Variants in INPP5A observed in about 807,000 individuals in gnomAD.
INPP5A encodes inositol polyphosphate-5-phosphatase A, also known as 43 kDa inositol polyphosphate 5-phophatase.
In INPP5A, 14 loss-of-function variants were observed where a neutral mutation model predicts 65.2. That is an observed-to-expected ratio of 0.21 (90% CI 0.14 to 0.34). The LOEUF is 0.34. INPP5A is among the 10% of genes least tolerant of loss of function. INPP5A has a pLI of 1.00. For missense variants in INPP5A, 431 were observed against 545.6 expected (o/e 0.79, Z 2.09); for synonymous variants, 207 against 208.3 (o/e 0.99, Z 0.05).
rs993228637 is a variant in INPP5A at position 132,741,391 on chromosome 10, A to G, written c.733-8126A>G. On this transcript the variant is annotated intron_variant, in intron 9 of 15. Coordinates refer to ENST00000368594, the MANE Select transcript of INPP5A (RefSeq NM_005539.5). The surrounding 1 kb of genome is among the most constrained non-coding windows in gnomAD (Gnocchi z 4.4). The stretch of plus-strand genomic sequence containing the variant: ...GTCTCAGTCTGGTTCCTGCTGGACA[A>G]ACACTGCAGGTTCACACCACGGGAA... 6.6e-6 allele frequency among the ~76,000 whole-genome samples: 1 copy of G among 152,204 alleles called. No individual in the cohort carries two copies. Among genetic ancestry groups the G allele is most frequent in the Non-Finnish European group, 1.5e-5 (1 of 68,028 alleles).
intron 1 of INPP5A, among the ~76,000 whole-genome samples, chr10:132,578,549 GCGGGGAC>G (rs2071437982): frequency 6.8e-6 from 1 of 146,958 alleles, no homozygotes; most frequent in African/African-American, 2.5e-5. Flanking sequence ...AGGAGAGTGT[GCGGGGAC>G]TGGAGGGGCT....
At chr10:132,756,134 C>T (rs572378365) in intron 11 of INPP5A, among the ~76,000 whole-genome samples, 3 of 152,216 alleles carry the variant, frequency 2.0e-5, no homozygotes, top group African/African-American at 7.2e-5. Flanking sequence ...AATTCCTCGG[C>T]CCGGTCAGGA....
At chr10:132,643,552 A>G (rs1207133425) in intron 2 of INPP5A, among the ~76,000 whole-genome samples, 4 of 152,204 alleles carry the variant, frequency 2.6e-5, no homozygotes. Context: ...AGTGTAATAA[A>G]TATGTTGTCT....
intron 4 of INPP5A, among the ~76,000 whole-genome samples, chr10:132,684,484 A>ATG (rs950287345): frequency 1.1e-4 from 16 of 152,086 alleles, no homozygotes; most frequent in Non-Finnish European, 1.9e-4. Flanking sequence ...ATGTGTACAT[A>ATG]TGTGTGTGTG....
chr10:132,548,627 C>T (rs1218428166), intron 1 of INPP5A, among the ~76,000 whole-genome samples: 2 of 152,196 alleles, frequency 1.3e-5, no homozygotes, highest in Non-Finnish European at 2.9e-5. Flanking sequence ...GCTCCCGGCC[C>T]TGGGCCACAA....
chr10:132,715,832 C>G (rs1845729757), intron 8 of INPP5A, among the ~76,000 whole-genome samples: 1 of 152,336 alleles, frequency 6.6e-6, no homozygotes, highest in African/African-American at 2.4e-5. Flanking sequence ...CAGGCTTTCT[C>G]AGACTCGGAG....
intron 12 of INPP5A, among the ~76,000 whole-genome samples, chr10:132,773,951 G>A (rs1466595851): frequency 3.3e-5 from 5 of 152,162 alleles, no homozygotes; most frequent in Admixed American, 2.6e-4. Context: ...TATAGAGACA[G>A]GGGTCTTACT....
At chr10:132,661,772 G>T (rs1363066650) in intron 4 of INPP5A, among the ~76,000 whole-genome samples, 1 of 152,004 alleles carries the variant, frequency 6.6e-6, no homozygotes, top group Non-Finnish European at 1.5e-5. Flanking sequence ...TATACTACCT[G>T]ATTAAGACTT....
At chr10:132,695,389 T>C (rs1845329973) in intron 5 of INPP5A, among the ~76,000 whole-genome samples, 1 of 152,144 alleles carries the variant, frequency 6.6e-6, no homozygotes, top group Non-Finnish European at 1.5e-5. Flanking sequence ...CTACAATGAA[T>C]ACCACACTTA....
At chr10:132,712,326 TG>T (rs1382104313) in intron 8 of INPP5A, among the ~76,000 whole-genome samples, 1 of 151,744 alleles carries the variant, frequency 6.6e-6, no homozygotes, top group Non-Finnish European at 1.5e-5. Context: ...GGGGTTTGTG[TG>T]GGGGTGGGTG....
chr10:132,691,509 A>G (rs1221522542), intron 5 of INPP5A, among the ~76,000 whole-genome samples: 1 of 152,272 alleles, frequency 6.6e-6, no homozygotes. Flanking sequence ...CTGGTGCGTC[A>G]GGCTGCGCCG....
chr10:132,721,937 A>C (rs2134568777), intron 8 of INPP5A, among the ~76,000 whole-genome samples: 1 of 152,318 alleles, frequency 6.6e-6, no homozygotes, highest in East Asian at 1.9e-4. Flanking sequence ...AAGTCATGAA[A>C]AATAGTCCAG....
At position 132,644,257 on chromosome 10, in the gene INPP5A, T is replaced by G. The variant is rs778412364; in HGVS notation, c.118-1611T>G. Reference sequence around the variant, plus strand: ...AGGAGGGAGGGGCCCACTCGGTGCATCCACGCAGAGGCGGCTGCGAACTCA... The same window carrying G: ...AGGAGGGAGGGGCCCACTCGGTGCAGCCACGCAGAGGCGGCTGCGAACTCA... On this transcript the variant is annotated intron_variant, in intron 2 of 15. Transcript: ENST00000368594. The surrounding 1 kb of genome is among the most constrained non-coding windows in gnomAD (Gnocchi z 6.5). Among the ~76,000 whole-genome samples the G allele has an allele frequency of 3.3e-4, 50 of 152,166 alleles. No individual in the cohort carries two copies. Among genetic ancestry groups the G allele is most frequent in the Non-Finnish European group, 6.3e-4 (43 of 68,014 alleles).
rs1239445084 is a variant in INPP5A at position 132,780,867 on chromosome 10, G to A, written c.1108G>A (p.Val370Ile). 10 of 1,612,142 alleles carry A rather than the reference G, an allele frequency of 6.2e-6. No individual in the cohort carries two copies. The Admixed American group carries it at 1.2e-4, about 19-fold the overall frequency. The change falls in exon 14 of 16, where the codon GTT (valine) becomes ATT (isoleucine). Residue 370 changes from valine (V) to isoleucine (I), a missense_variant. Coordinates refer to ENST00000368594, the MANE Select transcript of INPP5A (RefSeq NM_005539.5). ...TTTCCAGTCGGAGAGCGAGGAGAAG[G>A]TTGTCACCTATGACCACATTGGGCC... The part of the protein sequence containing the change: ...LVLRSESEEK[V>I]VTYDHIGPNV...
chr10:132,679,168 A>G (rs565315840), intron 4 of INPP5A, among the ~76,000 whole-genome samples: 1 of 152,346 alleles, frequency 6.6e-6, no homozygotes, highest in African/African-American at 2.4e-5. Context: ...GTGGGTGTGC[A>G]GCAGTGCAGA....
intron 1 of INPP5A, among the ~76,000 whole-genome samples, chr10:132,560,631 G>T (rs947792719): frequency 6.6e-6 from 1 of 151,918 alleles, no homozygotes; most frequent in Admixed American, 6.6e-5. Flanking sequence ...ACAGATTCTC[G>T]CTCTGTTGCT....
intron 11 of INPP5A, among the ~76,000 whole-genome samples, chr10:132,750,263 T>C (rs1846451498): frequency 6.6e-6 from 1 of 152,198 alleles, no homozygotes; most frequent in Non-Finnish European, 1.5e-5. Context: ...TGTGGGTCTG[T>C]GTGTGAGCAC....
At chr10:132,734,988 G>A (rs1410978352) in intron 9 of INPP5A, among the ~76,000 whole-genome samples, 4 of 152,276 alleles carry the variant, frequency 2.6e-5, no homozygotes, top group East Asian at 3.9e-4. Context: ...ACACAGAGGC[G>A]GGCAGGGCCT....
chr10:132,710,244 A>C, intron 7 of INPP5A, 93 bp from the exon 8 acceptor site: 1 of 1,466,354 alleles, frequency 6.8e-7, no homozygotes, highest in Non-Finnish European at 9.3e-7. Context: ...AGGCCAGTGC[A>C]GGTCTTATCT....
Sources: allele counts gnomAD v4.1 joint callset (sites outside exome capture counted in the v4.1 genomes callset), GRCh38; gene constraint gnomAD v4.1.1; non-coding constraint Gnocchi (gnomAD v3.1); transcripts MANE v1.5; gene names NCBI Gene and HGNC (gene_info 2026-07-23, HGNC 2026-07-21).